ZNF462: variants seen among roughly 807,000 people sequenced by gnomAD.
ZNF462 encodes the protein zinc finger protein 462, also known as zinc finger PBX1-interacting protein.
Under a neutral mutation model 201.9 loss-of-function variants are expected in ZNF462, and 10 were observed. The observed-to-expected ratio is 0.05, with a 90% CI of 0.03 to 0.08. The LOEUF is 0.08. Among genes scored for constraint, ZNF462 ranks in the 10% least tolerant of loss-of-function variants. The pLI is 1.00. For missense variants in ZNF462, 2,523 were observed against 3,168.3 expected, an observed-to-expected ratio of 0.80 and a Z score of 4.89; for synonymous variants, 1,227 against 1,193.3, an observed-to-expected ratio of 1.03 and a Z score of -0.58.
rs1300875324 is a variant in ZNF462, at chr9:106,981,672, T to A, written c.6833-2514T>A. On this transcript the variant is annotated intron_variant, in intron 9 of 12. Coordinates refer to ENST00000277225, the MANE Select transcript of ZNF462 (RefSeq NM_021224.6). This position sits in a 1 kb window ranked among gnomAD's most constrained non-coding sequence, Gnocchi z 4.0. Reference sequence around the variant, plus strand: ...TGACTATTCATGACTTTGTGTAAAATTCACTTAGACACACATAGTGAAATT... The same window carrying A: ...TGACTATTCATGACTTTGTGTAAAAATCACTTAGACACACATAGTGAAATT... Among the ~76,000 whole-genome samples, 1 of 152,102 alleles carries A rather than the reference T, an allele frequency of 6.6e-6. No homozygotes were observed. Among genetic ancestry groups the A allele is most frequent in the East Asian group, 1.9e-4 (1 of 5,188 alleles).
rs1023627462 is a variant in ZNF462 at position 106,917,840 on chromosome 9, A to ATT, written c.-30-5508_-30-5507dup. On this transcript the variant is annotated intron_variant, in intron 1 of 12. Transcript: ENST00000277225. This position sits in a 1 kb window ranked among gnomAD's most constrained non-coding sequence, Gnocchi z 4.5. Reference sequence around the variant, plus strand: ...TGTTGGTTTATTTTGCTGGTTTATTATTTTTTTATATTTATTTATTTATTT... The same window carrying ATT: ...TGTTGGTTTATTTTGCTGGTTTATTATTTTTTTTTATATTTATTTATTTATTT... Among the ~76,000 whole-genome samples the ATT allele has an allele frequency of 1.7e-4, 26 of 149,696 alleles. No homozygotes were observed. In the East Asian group the frequency reaches 5.1e-3, roughly 29 times the overall value.
Position 106,929,709 on chromosome 9 carries a change from A to T in ZNF462, c.5797A>T (p.Ser1933Cys). ...KRQERRKQLL[S>C]KQKYADGAFA... is the part of the protein sequence containing the mutation. ...TCAGGAGAGGAGGAAACAGCTTTTG[A>T]GCAAGCAGAAATATGCAGATGGTGC... The change falls in exon 3 of 13, where the codon AGC becomes TGC. Residue 1933 changes from serine to cysteine, a missense_variant. By Grantham distance (112) the Ser-to-Cys change is moderately radical (BLOSUM62 -1). Transcript: ENST00000277225. This position sits in a 1 kb window ranked among gnomAD's most constrained non-coding sequence, Gnocchi z 8.7. The T allele has an allele frequency of 6.2e-7, 1 of 1,614,140 alleles. No individual in the cohort carries two copies. The highest frequency in any genetic ancestry group is 1.7e-5 in the Admixed American group (1 of 60,026).
chr9:106,976,712 T>C (rs992635864), intron 9 of ZNF462: 1 of 152,170 alleles, frequency 6.6e-6, no homozygotes, highest in Non-Finnish European at 1.5e-5. Context: ...TTAACAATAA[T>C]AACAACAATG....
rs114273892 is a variant in ZNF462, at chr9:106,895,797, A to G, written c.-30-27557A>G. On this transcript the variant is annotated intron_variant, in intron 1 of 12. Coordinates refer to ENST00000277225, the MANE Select transcript of ZNF462 (RefSeq NM_021224.6). This position sits in a 1 kb window ranked among gnomAD's most constrained non-coding sequence, Gnocchi z 4.4. ...GGAAACAAAAACTTGGAACTCCTGT[A>G]ATGCCATCTTTTTGGGGGTGGGAAT... is the stretch of plus-strand genomic sequence containing the variant. 0.012 allele frequency among the ~76,000 whole-genome samples: 1,832 copies of G among 152,268 alleles called. 31 individuals are homozygous for G. Among genetic ancestry groups the G allele is most frequent in the African/African-American group, 0.042 (1,725 of 41,544 alleles).
At chr9:106,973,722 C>A (rs543602921) in intron 8 of ZNF462, among the ~76,000 whole-genome samples, 1 of 152,206 alleles carries the variant, frequency 6.6e-6, no homozygotes, top group East Asian at 1.9e-4. Flanking sequence ...GTCCTCCCCC[C>A]CTTACCTGTG....
chr9:106,991,593 A>AG (rs1828273704), intron 10 of ZNF462, among the ~76,000 whole-genome samples: 1 of 151,936 alleles, frequency 6.6e-6, no homozygotes, highest in Non-Finnish European at 1.5e-5. Context: ...CCTAGTGTGG[A>AG]GAAACAACAA....
chr9:106,976,927 C>G (rs1169233386), intron 9 of ZNF462, among the ~76,000 whole-genome samples: 1 of 152,180 alleles, frequency 6.6e-6, no homozygotes, highest in Admixed American at 6.5e-5. Context: ...CCAGGCTTGT[C>G]TGACCCACAG....
At chr9:106,908,943 T>TA (rs1564090931) in intron 1 of ZNF462, among the ~76,000 whole-genome samples, 26 of 17,672 alleles carry the variant, frequency 1.5e-3, no homozygotes, top group Admixed American at 6.6e-3. Context: ...ATATATATAT[T>TA]TTTTTTTTTT....
chr9:107,013,398 G>A lies in ZNF462; in HGVS notation c.*2368G>A. 6.6e-6 allele frequency: 1 copy of A among 152,026 alleles called. No homozygotes were observed. Among genetic ancestry groups the A allele is most frequent in the East Asian group, 1.9e-4 (1 of 5,174 alleles). 9.4% of individuals were successfully genotyped at this position (152,026 alleles called of 1,614,324 possible). ...TTGTTGTTGTTTAATTTATACAGAG[G>A]ACATTTTTTTCAGAGCTTGAGAGAA... On this transcript the variant is annotated 3_prime_UTR_variant, in exon 13 of 13. Coordinates refer to ENST00000277225, the MANE Select transcript of ZNF462 (RefSeq NM_021224.6).
chr9:106,992,418 CT>C (rs1828359434), intron 10 of ZNF462, among the ~76,000 whole-genome samples: 1 of 152,092 alleles, frequency 6.6e-6, no homozygotes, highest in Admixed American at 6.6e-5. Context: ...ACCATAGCCA[CT>C]TCGGAGCAGT....
At chr9:106,896,328 C>T (rs1469216728) in intron 1 of ZNF462, among the ~76,000 whole-genome samples, 2 of 152,082 alleles carry the variant, frequency 1.3e-5, no homozygotes, top group Admixed American at 1.3e-4. Flanking sequence ...TTGGCTCAAT[C>T]GAAAATGATT....
chr9:106,892,704 G>GCACACACACACGCA (rs1828638354), intron 1 of ZNF462, among the ~76,000 whole-genome samples: 2 of 131,946 alleles, frequency 1.5e-5, no homozygotes, highest in Admixed American at 7.3e-5. Flanking sequence ...ACACACACAC[G>GCACACACACACGCA]CACACACACA....
chr9:106,995,395 T>G (rs547015743), intron 10 of ZNF462: 8 of 152,304 alleles, frequency 5.3e-5, no homozygotes, highest in African/African-American at 1.9e-4. Flanking sequence ...GATGCTACTG[T>G]TCTATCCCAT....
intron 9 of ZNF462, among the ~76,000 whole-genome samples, chr9:106,982,737 G>A (rs922024883): frequency 5.3e-5 from 8 of 152,084 alleles, no homozygotes; most frequent in Non-Finnish European, 1.2e-4. Flanking sequence ...AGCATTTTGC[G>A]GGCCGATTAA....
rs908578301 is a variant in ZNF462, at chr9:107,011,405, T to G, written c.*375T>G. The G allele has an allele frequency of 6.2e-6, 1 of 161,200 alleles. No individual in the cohort carries two copies. The highest frequency in any genetic ancestry group is 1.3e-5 in the Non-Finnish European group (1 of 74,344). 10.0% of individuals were successfully genotyped at this position (161,200 alleles called of 1,614,324 possible). On this transcript the variant is annotated 3_prime_UTR_variant, in exon 13 of 13. Coordinates refer to ENST00000277225, the MANE Select transcript of ZNF462 (RefSeq NM_021224.6). This position sits in a 1 kb window ranked among gnomAD's most constrained non-coding sequence, Gnocchi z 5.6. ...AGACTTCTCATTGGGGAGCAACTTTTTGACGCACAACTTTTGGTGCGTTTT... is the reference window on the plus strand; with the variant it reads ...AGACTTCTCATTGGGGAGCAACTTTGTGACGCACAACTTTTGGTGCGTTTT...
intron 1 of ZNF462, among the ~76,000 whole-genome samples, chr9:106,873,331 T>G (rs1054967149): frequency 6.6e-6 from 1 of 152,166 alleles, no homozygotes; most frequent in Non-Finnish European, 1.5e-5. Context: ...TAGGGGACAC[T>G]TTAGGAAATA....
chr9:106,943,462 T>C (rs1043162525), intron 7 of ZNF462, among the ~76,000 whole-genome samples: 1 of 152,218 alleles, frequency 6.6e-6, no homozygotes, highest in Non-Finnish European at 1.5e-5. Flanking sequence ...TAGCAAATAC[T>C]GACATTCCTA....
upstream of ZNF462, among the ~76,000 whole-genome samples, chr9:106,860,875 C>CA (rs1161098163): frequency 1.3e-5 from 2 of 151,968 alleles, no homozygotes; most frequent in East Asian, 3.9e-4. This position sits in a 1 kb window ranked among gnomAD's most constrained non-coding sequence, Gnocchi z 7.1. Context: ...GGAGTCCTCC[C>CA]AAAGCCGCAC....
chr9:106,998,122 A>G (rs1828880912), intron 10 of ZNF462, among the ~76,000 whole-genome samples: 1 of 152,198 alleles, frequency 6.6e-6, no homozygotes, highest in Non-Finnish European at 1.5e-5. Flanking sequence ...AGCGCTGCAC[A>G]TTCTTTTTAA....
Sources: allele counts gnomAD v4.1 joint callset (sites outside exome capture counted in the v4.1 genomes callset), GRCh38; gene constraint gnomAD v4.1.1; non-coding constraint Gnocchi (gnomAD v3.1); transcripts MANE v1.5; gene names NCBI Gene and HGNC (gene_info 2026-07-23, HGNC 2026-07-21).